Variants in FLNC observed in about 807,000 individuals in gnomAD.
FLNC encodes the protein filamin C, also known as filamin-C.
Under a neutral mutation model 254.3 loss-of-function variants are expected in FLNC, and 91 were observed. The ratio of observed to expected loss-of-function variants is 0.36; its 90% CI spans 0.30 to 0.43. FLNC has a LOEUF of 0.43. FLNC is among the 20% of genes least tolerant of loss of function. FLNC has a pLI of 1.00. For missense variants in FLNC, 2,853 were observed against 3,802.6 expected, an observed-to-expected ratio of 0.75 and a Z score of 6.57; for synonymous variants, 1,430 against 1,577.2, an observed-to-expected ratio of 0.91 and a Z score of 2.21.
rs369877746 is a variant in FLNC, at chr7:128,856,475, C to T, written c.7252-43C>T. The T allele has an allele frequency of 1.9e-6, 3 of 1,605,772 alleles. No individual in the cohort carries two copies. The African/African-American group carries it at 4.0e-5, about 21-fold the overall frequency. ...GGGCTTCAGAGAAGACTGCTCCAGCCCCGGCCTCCCAGGAGTCTGAGCATC... is the reference window on the plus strand; with the variant it reads ...GGGCTTCAGAGAAGACTGCTCCAGCTCCGGCCTCCCAGGAGTCTGAGCATC... On this transcript the variant is annotated intron_variant, in intron 43 of 47. Coordinates refer to ENST00000325888, the MANE Select transcript of FLNC (RefSeq NM_001458.5). This position sits in a 1 kb window ranked among gnomAD's most constrained non-coding sequence, Gnocchi z 5.9.
chr7:128,838,995 C>G (rs955920478), intron 8 of FLNC, among the ~76,000 whole-genome samples, 192 bp downstream of exon 8: 1 of 152,264 alleles, frequency 6.6e-6, no homozygotes, highest in Non-Finnish European at 1.5e-5. Context: ...CATGTGCCAC[C>G]CTGGGAGGGC....
chr7:128,844,091 C>T lies in FLNC; in HGVS notation c.3017C>T (p.Pro1006Leu), dbSNP rs1585159244. 6.2e-7 allele frequency: 1 copy of T among 1,613,960 alleles called. No individual in the cohort carries two copies. Among genetic ancestry groups the T allele is most frequent in the Admixed American group, 1.7e-5 (1 of 60,032 alleles). ...CAACTGGATGTGCGGATGACTTCGC[C>T]CTCTCGCCGGCCCATCCCCTGCAAG... Reference protein sequence around the residue: ...QGQLDVRMTSPSRRPIPCKLE... With the variant: ...QGQLDVRMTSLSRRPIPCKLE... The change falls in exon 20 of 48, where the codon CCC becomes CTC. Residue 1006 changes from proline to leucine, a missense_variant. By Grantham distance (98) the Pro-to-Leu change is moderately conservative (BLOSUM62 -3). Around this residue, in one of 10 missense-constraint regions of FLNC, gnomAD observed 1,573 missense variants for 1,883.5 expected, o/e 0.84. Coordinates refer to ENST00000325888, the MANE Select transcript of FLNC (RefSeq NM_001458.5).
In FLNC at chr7:128,835,941, C is replaced by T. The variant is rs1808080414; in HGVS notation, c.601+367C>T. ...ATGAATTTTTTACTGTGCCACGAGG[C>T]ACTATTCCTGCCGAGCTGAGAGAGA... On this transcript the variant is annotated intron_variant, in intron 2 of 47. Coordinates refer to ENST00000325888, the MANE Select transcript of FLNC (RefSeq NM_001458.5). This position sits in a 1 kb window ranked among gnomAD's most constrained non-coding sequence, Gnocchi z 5.3. 6.6e-6 allele frequency among the ~76,000 whole-genome samples: 1 copy of T among 152,168 alleles called. No homozygotes were observed. The highest frequency in any genetic ancestry group is 6.5e-5 in the Admixed American group (1 of 15,288).
Position 128,841,572 on chromosome 7 carries a change from G to A in FLNC, c.2121+5G>A, listed in dbSNP as rs376348610. 8.7e-6 allele frequency: 14 copies of A among 1,606,854 alleles called. No homozygotes were observed. Among genetic ancestry groups the A allele is most frequent in the Non-Finnish European group, 1.2e-5 (14 of 1,173,462 alleles). On this transcript the variant is annotated splice_donor_5th_base_variant and intron_variant, in intron 13 of 47. Coordinates refer to ENST00000325888, the MANE Select transcript of FLNC (RefSeq NM_001458.5). This position sits in a 1 kb window ranked among gnomAD's most constrained non-coding sequence, Gnocchi z 4.3. ...GACCTGAAGCTCTATGCCCAGGTAG[G>A]TCATTGTCCAGTCTCTGCTGCCCTT...
rs1255727604 is a variant in FLNC at position 128,849,570 on chromosome 7, C to T, written c.5191C>T (p.His1731Tyr). The T allele has an allele frequency of 1.7e-5, 27 of 1,613,844 alleles. No homozygotes were observed. Among genetic ancestry groups the T allele is most frequent in the East Asian group, 2.2e-5 (1 of 44,898 alleles). Reference sequence around the variant, plus strand: ...TGAGCACATCCCCAACAGCCCCTTCCACGTGCTGGTAAGTTCTGTAGCCAC... The same window carrying T: ...TGAGCACATCCCCAACAGCCCCTTCTACGTGCTGGTAAGTTCTGTAGCCAC... ...GGEHIPNSPF[H>Y]VLACDPLPHE... Residue 1731 changes from histidine (H) to tyrosine (Y), a missense_variant, in exon 30 of 48, where the codon CAC becomes TAC. Physicochemically the swap from His to Tyr is moderately conservative, Grantham distance 83. Coordinates refer to ENST00000325888, the MANE Select transcript of FLNC (RefSeq NM_001458.5).
At chr7:128,840,425 T>C in intron 9 of FLNC, 123 bp from the exon 10 acceptor site, 2 of 1,323,378 alleles carry the variant, frequency 1.5e-6, no homozygotes, top group Non-Finnish European at 2.1e-6. Context: ...GTTGCAGCAC[T>C]GCTCACTACA....
intron 24 of FLNC, 23 bp from the exon 25 acceptor site, chr7:128,847,674 G>A (rs763459394): frequency 2.5e-6 from 4 of 1,613,708 alleles, no homozygotes; most frequent in Admixed American, 3.3e-5. Context: ...GGTGGGCAGG[G>A]TCTAATGTCC....
intron 9 of FLNC, 27 bp downstream of exon 9, chr7:128,840,187 G>A (rs919664093): frequency 6.2e-7 from 1 of 1,612,182 alleles, no homozygotes; most frequent in Non-Finnish European, 8.5e-7. Flanking sequence ...AGGGTCGTGA[G>A]GGTGGGGCTG....
intron 1 of FLNC, among the ~76,000 whole-genome samples, chr7:128,831,740 G>A (rs897006898): frequency 1.3e-5 from 2 of 152,152 alleles, no homozygotes; most frequent in African/African-American, 4.8e-5. Flanking sequence ...TGCGGGGAGG[G>A]AGGGAAAGGC....
rs780008755 is a variant in FLNC at position 128,856,957 on chromosome 7, G to T, written c.7561+36G>T. ...GGAGCTGGGGAACAGGGTGACTTCT[G>T]GGGGTGCTTGGCCACTAGTCTGGTG... On this transcript the variant is annotated intron_variant, in intron 45 of 47. Transcript: ENST00000325888. This position sits in a 1 kb window ranked among gnomAD's most constrained non-coding sequence, Gnocchi z 5.9. 6.2e-7 allele frequency: 1 copy of T among 1,608,784 alleles called. No individual in the cohort carries two copies. The highest frequency in any genetic ancestry group is 8.5e-7 in the Non-Finnish European group (1 of 1,176,298).
At position 128,843,458 on chromosome 7, in the gene FLNC, G is replaced by A. The variant is rs777692031; in HGVS notation, c.2692G>A (p.Gly898Ser). ...CTTCACGGTGCTGACCAAGGGAGCC[G>A]GCAAGGCCAAGCTGGATGTGCAGTT... ...THFTVLTKGAGKAKLDVQFAG... is the reference protein window; with the variant it reads ...THFTVLTKGASKAKLDVQFAG... The change falls in exon 18 of 48, where the codon GGC becomes AGC. Residue 898 changes from glycine to serine, a missense_variant. Gly to Ser is a moderately conservative substitution (Grantham distance 56, BLOSUM62 0). Transcript: ENST00000325888. 13 of 1,614,122 alleles carry A rather than the reference G, an allele frequency of 8.1e-6. No individual in the cohort carries two copies. The highest frequency in any genetic ancestry group is 1.7e-5 in the Admixed American group (1 of 60,026).
In FLNC at chr7:128,841,148, A is replaced by T. The variant is rs750304655; in HGVS notation, c.1814-22A>T. The T allele has an allele frequency of 6.2e-7, 1 of 1,610,832 alleles. No individual in the cohort carries two copies. Among genetic ancestry groups the T allele is most frequent in the East Asian group, 2.2e-5 (1 of 44,808 alleles). ...GGTCTTGCCTGATGCTGGATCCCCG[A>T]CCCTCCCCCACCTTGCCCCAGGCTT... On this transcript the variant is annotated intron_variant, in intron 11 of 47. Coordinates refer to ENST00000325888, the MANE Select transcript of FLNC (RefSeq NM_001458.5). This position sits in a 1 kb window ranked among gnomAD's most constrained non-coding sequence, Gnocchi z 4.3.
intron 43 of FLNC, 122 bp downstream of exon 43, chr7:128,855,436 C>G: frequency 1.4e-6 from 1 of 731,204 alleles, no homozygotes; most frequent in Admixed American, 2.0e-5. Flanking sequence ...TTAGGAGTCC[C>G]TTCTCATAAG....
rs758758113 is a variant in FLNC, at chr7:128,840,574, C to T, written c.1576C>T (p.Arg526Trp). Residue 526 changes from arginine (R) to tryptophan (W), a missense_variant, in exon 10 of 48, where the codon CGG (arginine) becomes TGG (tryptophan). Arg to Trp is a moderately radical substitution (Grantham distance 101). Around this residue, in one of 10 missense-constraint regions of FLNC, gnomAD observed 1,573 missense variants for 1,883.5 expected, o/e 0.84. Coordinates refer to ENST00000325888, the MANE Select transcript of FLNC (RefSeq NM_001458.5). ...GGGCACAGAGGAGCCAGTGAAGGTG[C>T]GGGAGGCTGGGGATGGTGTGTTCGA... ...PKGTEEPVKV[R>W]EAGDGVFECE... is the part of the protein sequence containing the mutation. 55 of 1,614,040 alleles carry T rather than the reference C, an allele frequency of 3.4e-5. 1 individual carries two copies. The Admixed American group carries it at 7.7e-4, about 23-fold the overall frequency.
At chr7:128,853,874 G>A (rs756322494) in intron 39 of FLNC, 37 bp downstream of exon 39, 2 of 1,613,042 alleles carry the variant, frequency 1.2e-6, no homozygotes. Context: ...GGCGGGTGGT[G>A]GGAGAGGGCT....
rs754521842 is a variant in FLNC at position 128,858,467 on chromosome 7, G to T, written c.8122G>T (p.Val2708Phe). The T allele has an allele frequency of 1.2e-6, 2 of 1,613,812 alleles. No individual in the cohort carries two copies. Among genetic ancestry groups the T allele is most frequent in the Admixed American group, 3.3e-5 (2 of 60,010 alleles). Residue 2708 changes from valine to phenylalanine, a missense_variant, in exon 48 of 48, where the codon GTC (valine) becomes TTC (phenylalanine). Physicochemically the swap from Val to Phe is conservative, Grantham distance 50. Coordinates refer to ENST00000325888, the MANE Select transcript of FLNC (RefSeq NM_001458.5). This position sits in a 1 kb window ranked among gnomAD's most constrained non-coding sequence, Gnocchi z 6.7. ...VKEKGDYILIVKWGDESVPGS... is the reference protein window; with the variant it reads ...VKEKGDYILIFKWGDESVPGS... ...GGAGAAAGGGGACTACATCCTCATT[G>T]TCAAGTGGGGTGACGAAAGTGTCCC...
Position 128,841,334 on chromosome 7 carries a change from C to T in FLNC, c.1978C>T (p.Pro660Ser). The change falls in exon 12 of 48, where the codon CCC becomes TCC. Residue 660 changes from proline (P) to serine (S), a missense_variant. By Grantham distance (74) the Pro-to-Ser change is moderately conservative. Transcript: ENST00000325888. The surrounding 1 kb of genome is among the most constrained non-coding windows in gnomAD (Gnocchi z 4.3). The stretch of plus-strand genomic sequence containing the variant: ...CTCACCCTTCATTGCCCACATCCTG[C>T]CCGCCCCACCTGACTGCTTCCCAGA... ...RDSPFIAHIL[P>S]APPDCFPDKV... 1 of 1,614,004 alleles carries T rather than the reference C, an allele frequency of 6.2e-7. No homozygotes were observed. Among genetic ancestry groups the T allele is most frequent in the Non-Finnish European group, 8.5e-7 (1 of 1,180,002 alleles).
intron 24 of FLNC, 122 bp downstream of exon 24, chr7:128,847,027 T>C: frequency 7.6e-7 from 1 of 1,317,658 alleles, no homozygotes; most frequent in Non-Finnish European, 1.1e-6. Flanking sequence ...CAGCCTAGAG[T>C]GGGTTGGGGC....
chr7:128,846,889 G>A lies in FLNC; in HGVS notation c.4272G>A (p.Gly1424=), dbSNP rs759650097. 1.9e-6 allele frequency: 3 copies of A among 1,614,074 alleles called. No individual in the cohort carries two copies. ...PGDYDVNITF[G]GRPIPGSPFR... is the part of the protein sequence containing the mutation. ...ACTATGACGTCAACATCACCTTCGGGGGGCGGCCCATCCCAGGTGTGCAGA... is the reference window on the plus strand; with the variant it reads ...ACTATGACGTCAACATCACCTTCGGAGGGCGGCCCATCCCAGGTGTGCAGA... The change falls in exon 24 of 48, where the codon GGG becomes GGA. Residue 1424 remains glycine, a synonymous_variant. Transcript: ENST00000325888.
Sources: gnomAD v4.1 joint callset for allele counts (sites outside exome capture counted in the v4.1 genomes callset) on GRCh38, gnomAD v4.1.1 for gene constraint, gnomAD v4.1.1 regional missense constraint, Gnocchi (gnomAD v3.1) non-coding constraint, MANE v1.5 for transcripts, NCBI Gene and HGNC (gene_info 2026-07-23, HGNC 2026-07-21) for gene names.